The following LACTB2 variants were observed in gnomAD, a reference collection of about 807,000 sequenced individuals.
The protein encoded by LACTB2 is endoribonuclease LACTB2.
A neutral mutation model predicts 34.8 loss-of-function variants in LACTB2; 32 were observed. That is an observed-to-expected ratio of 0.92 (90% CI 0.69 to 1.24). The LOEUF (loss-of-function observed/expected upper bound fraction) is 1.24. Ranked by LOEUF, LACTB2 falls within the 50% of genes most tolerant of loss-of-function variation. LACTB2 has a pLI of 0.00. For synonymous variants in LACTB2, 120 were observed against 117.5 expected (o/e 1.02, Z -0.14); for missense variants, 320 against 345.0 (o/e 0.93, Z 0.57).
At chr8:70,659,327 T>G (rs546098985) in intron 2 of LACTB2, among the ~76,000 whole-genome samples, 4 of 152,146 alleles carry the variant, frequency 2.6e-5, no homozygotes, top group Non-Finnish European at 4.4e-5. Flanking sequence ...GGGGAATGAC[T>G]ACAATTTCCC....
At chr8:70,647,700 C>G (rs1294518631) in intron 3 of LACTB2, among the ~76,000 whole-genome samples, 1 of 152,134 alleles carries the variant, frequency 6.6e-6, no homozygotes, top group Non-Finnish European at 1.5e-5. Flanking sequence ...AGCTGAGAAC[C>G]AATCAGATTT....
At chr8:70,663,890 T>C (rs749465590) in intron 1 of LACTB2, among the ~76,000 whole-genome samples, 1 of 152,220 alleles carries the variant, frequency 6.6e-6, no homozygotes, top group Non-Finnish European at 1.5e-5. Flanking sequence ...TTTGAGTCCC[T>C]TCAGGGCAGA....
At chr8:70,668,748 GTTTTTTTTTTT>G (rs990900411) in intron 1 of LACTB2, among the ~76,000 whole-genome samples, 5 of 103,722 alleles carry the variant, frequency 4.8e-5, no homozygotes, top group African/African-American at 2.1e-4. Flanking sequence ...CAAAACAGAA[GTTTTTTTTTTT>G]TTTTTTTTTT....
intron 3 of LACTB2, among the ~76,000 whole-genome samples, chr8:70,655,504 G>A (rs544585357): frequency 6.6e-6 from 1 of 152,274 alleles, no homozygotes; most frequent in Non-Finnish European, 1.5e-5. Context: ...TTACAGGTGT[G>A]AGCCACCATG....
rs534287983 is a variant in LACTB2, at chr8:70,649,306, C to T, written c.414-5063G>A. Reference sequence around the variant, plus strand: ...GCATCAGGCCCGGAGGAAAACAAGCCGACAGGAGCAAGTTATTAGCTGGAA... The same window carrying T: ...GCATCAGGCCCGGAGGAAAACAAGCTGACAGGAGCAAGTTATTAGCTGGAA... On this transcript the variant is annotated intron_variant, in intron 3 of 6. Coordinates refer to ENST00000276590, the MANE Select transcript of LACTB2 (RefSeq NM_016027.3). 3.3e-5 allele frequency among the ~76,000 whole-genome samples: 5 copies of T among 152,062 alleles called. No individual in the cohort carries two copies. In the East Asian group the frequency reaches 5.8e-4, roughly 18 times the overall value.
chr8:70,654,126 A>G (rs998323203), intron 3 of LACTB2: 1 of 152,216 alleles, frequency 6.6e-6, no homozygotes, highest in Non-Finnish European at 1.5e-5. Context: ...TTATAGAATA[A>G]AATTTATACA....
At chr8:70,660,453 T>G (rs1818467620) in intron 2 of LACTB2, 2 of 368,688 alleles carry the variant, frequency 5.4e-6, no homozygotes, top group Non-Finnish European at 1.1e-5. Flanking sequence ...ACTGGCAGCC[T>G]GGTGATATTG....
At chr8:70,645,500 T>C (rs1818252677) in intron 3 of LACTB2, among the ~76,000 whole-genome samples, 1 of 152,210 alleles carries the variant, frequency 6.6e-6, no homozygotes, top group Non-Finnish European at 1.5e-5. Context: ...ACTCTTTTTT[T>C]TTTTTAAATT....
chr8:70,656,427 A>T (rs1264002524), intron 3 of LACTB2, among the ~76,000 whole-genome samples: 4 of 152,176 alleles, frequency 2.6e-5, no homozygotes, highest in Non-Finnish European at 5.9e-5. Context: ...GCCACCATTT[A>T]TTGAAAAGGA....
intron 4 of LACTB2, 70 bp from the exon 5 acceptor site, chr8:70,641,120 C>G (rs1818192211): frequency 1.5e-6 from 2 of 1,310,466 alleles, no homozygotes; most frequent in Non-Finnish European, 2.1e-6. Context: ...GAAGCTAACT[C>G]ACTCTATTTA....
rs762200546 is a variant in LACTB2, at chr8:70,668,952, T to A, written c.122+47A>T. 5 of 1,552,182 alleles carry A rather than the reference T, an allele frequency of 3.2e-6. No individual in the cohort carries two copies. In the Admixed American group the frequency reaches 5.9e-5, roughly 18 times the overall value. On this transcript the variant is annotated intron_variant, in intron 1 of 6. Coordinates refer to ENST00000276590, the MANE Select transcript of LACTB2 (RefSeq NM_016027.3). The stretch of plus-strand genomic sequence containing the variant: ...AGCCGCGATCAGTCAAAGCCCGGGC[T>A]CCGGGGCCGGCTGCGAACGTTGGGG...
chr8:70,660,433 GT>G (rs1818467366), intron 2 of LACTB2: 1 of 366,714 alleles, frequency 2.7e-6, no homozygotes, highest in African/African-American at 2.1e-5. Flanking sequence ...TTGGTTGCCA[GT>G]TTTTTATAAC....
At chr8:70,648,985 A>G (rs1456541948) in intron 3 of LACTB2, among the ~76,000 whole-genome samples, 1 of 152,234 alleles carries the variant, frequency 6.6e-6, no homozygotes, top group African/African-American at 2.4e-5. Context: ...TCTCTATTGC[A>G]ATATTGAAAC....
intron 3 of LACTB2, among the ~76,000 whole-genome samples, chr8:70,647,137 A>C (rs1362045564): frequency 6.6e-6 from 1 of 152,180 alleles, no homozygotes; most frequent in African/African-American, 2.4e-5. Flanking sequence ...TACATGTCTG[A>C]AGGAATATGG....
At position 70,661,753 on chromosome 8, in the gene LACTB2, A is replaced by C. The variant is rs764882258; in HGVS notation, c.267T>G (p.Ile89Met). 2.5e-6 allele frequency: 4 copies of C among 1,609,240 alleles called. No individual in the cohort carries two copies. Among genetic ancestry groups the C allele is most frequent in the Non-Finnish European group, 1.7e-6 (2 of 1,178,902 alleles). The change falls in exon 2 of 7, where the codon ATT becomes ATG. Residue 89 changes from isoleucine (I) to methionine (M), a missense_variant. Coordinates refer to ENST00000276590, the MANE Select transcript of LACTB2 (RefSeq NM_016027.3). Reference protein sequence around the residue: ...HRDHSGGIGDICKSINNDTTY... With the variant: ...HRDHSGGIGDMCKSINNDTTY... ...GTTTACCATTATTGATGCTTTTACAAATATCTCCTATGCCTCCAGAATGAT... is the reference window on the plus strand; with the variant it reads ...GTTTACCATTATTGATGCTTTTACACATATCTCCTATGCCTCCAGAATGAT...
chr8:70,650,026 A>C lies in LACTB2; in HGVS notation c.414-5783T>G, dbSNP rs529667551. On this transcript the variant is annotated intron_variant, in intron 3 of 6. Coordinates refer to ENST00000276590, the MANE Select transcript of LACTB2 (RefSeq NM_016027.3). ...GAGATGAGGGCTTACCCTGTCACCT[A>C]GTCTGGAGTGCACTGGAGTGATCAT... is the stretch of plus-strand genomic sequence containing the variant. Among the ~76,000 whole-genome samples, 3 of 152,324 alleles carry C rather than the reference A, an allele frequency of 2.0e-5. No homozygotes were observed. In the South Asian group the frequency reaches 6.2e-4, roughly 32 times the overall value.
intron 4 of LACTB2, 147 bp downstream of exon 4, chr8:70,643,918 T>A: frequency 1.5e-6 from 1 of 651,996 alleles, no homozygotes; most frequent in Non-Finnish European, 2.2e-6. Context: ...ACTACCCACT[T>A]TGGCATGCCT....
intron 1 of LACTB2, among the ~76,000 whole-genome samples, chr8:70,666,995 A>G (rs143741174): frequency 3.9e-5 from 6 of 152,326 alleles, no homozygotes; most frequent in African/African-American, 1.4e-4. Flanking sequence ...TTGGTAGTTA[A>G]TAATAAACAG....
chr8:70,642,147 C>A (rs1490456418), intron 4 of LACTB2, among the ~76,000 whole-genome samples: 2 of 152,196 alleles, frequency 1.3e-5, no homozygotes, highest in Admixed American at 1.3e-4. Context: ...AGAATCTTTA[C>A]TAGGTAGCCT....
Sources: gnomAD v4.1 joint callset for allele counts (sites outside exome capture counted in the v4.1 genomes callset) on GRCh38, gnomAD v4.1.1 for gene constraint, MANE v1.5 for transcripts, NCBI Gene and HGNC (gene_info 2026-07-23, HGNC 2026-07-21) for gene names.